The following ZNF142 variants were observed in gnomAD, a reference collection of about 807,000 sequenced individuals.
ZNF142 encodes zinc finger protein 142.
A neutral mutation model predicts 132.1 loss-of-function variants in ZNF142; 96 were observed. The ratio of observed to expected loss-of-function variants is 0.73; its 90% CI spans 0.62 to 0.86. The LOEUF (loss-of-function observed/expected upper bound fraction) is 0.86. Ranked by LOEUF, ZNF142 falls within the 40% of genes least tolerant of loss-of-function variation. The probability of loss-of-function intolerance (pLI) is 0.00; values close to 1 mark genes in which losing one functional copy is unlikely to be tolerated. For synonymous variants in ZNF142, 842 were observed against 890.1 expected (o/e 0.95, Z 0.96); for missense variants, 2,163 against 2,336.2 (o/e 0.93, Z 1.53).
Position 218,633,440 on chromosome 2 carries a change from G to T in ZNF142, c.*4899C>A. The stretch of plus-strand genomic sequence containing the variant: ...TATCTGTTGTCAGATTGTGGCCCAG[G>T]CTCCTATTTCCAAGCCTGAGTCCCT... On this transcript the variant is annotated 3_prime_UTR_variant, in exon 11 of 11. Coordinates refer to ENST00000411696, the MANE Select transcript of ZNF142 (RefSeq NM_001379659.1). 1.2e-6 allele frequency: 1 copy of T among 809,888 alleles called. No homozygotes were observed. Among genetic ancestry groups the T allele is most frequent in the Non-Finnish European group, 2.1e-6 (1 of 479,832 alleles). The allele number at this position is 809,888 out of a possible 1,614,324, so 50.2% of individuals were successfully genotyped here. A position where few individuals can be genotyped will look rare whatever the true frequency, so the allele number is the denominator to read the frequency against.
In ZNF142 at chr2:218,651,784, C is replaced by CG; in HGVS notation, c.796dup (p.Arg266ProfsTer54). 7.8e-7 allele frequency: 1 copy of CG among 1,289,876 alleles called. No homozygotes were observed. The highest frequency in any genetic ancestry group is 1.0e-6 in the Non-Finnish European group (1 of 988,892). 79.9% of individuals were successfully genotyped at this position (1,289,876 alleles called of 1,614,324 possible). ...AGCACCATGGCTCCGCTGATGCTGC[C>CG]GGAAGAGTTTGACGTTGGAGCCTAT... On this transcript the variant is annotated frameshift_variant, in exon 5 of 11. Transcript: ENST00000411696. LOFTEE classifies it high-confidence loss of function.
Position 218,636,340 on chromosome 2 carries a change from C to G in ZNF142, c.*1999G>C. The G allele has an allele frequency of 6.2e-7, 1 of 1,613,930 alleles. No homozygotes were observed. The highest frequency in any genetic ancestry group is 8.5e-7 in the Non-Finnish European group (1 of 1,179,894). ...TGGTAATGGATTATGACTGGAAATC[C>G]CGAAATGACTTTATTGGTCAGTACA... On this transcript the variant is annotated 3_prime_UTR_variant, in exon 11 of 11. Coordinates refer to ENST00000411696, the MANE Select transcript of ZNF142 (RefSeq NM_001379659.1).
intron 10 of ZNF142, among the ~76,000 whole-genome samples, chr2:218,640,061 CAAAAAAAA>C (rs35136548): frequency 5.6e-4 from 25 of 44,334 alleles, no homozygotes; most frequent in African/African-American, 2.2e-3. Context: ...GACTCTGTCT[CAAAAAAAA>C]AAAAAAAAAA....
rs528727966 is a variant in ZNF142 at position 218,651,248 on chromosome 2, T to C, written c.880+453A>G. Among the ~76,000 whole-genome samples, 4 of 152,318 alleles carry C rather than the reference T, an allele frequency of 2.6e-5. No homozygotes were observed. The East Asian group carries it at 7.7e-4, about 29-fold the overall frequency. ...CCATCCACCTTGGCCTCTCAAATTG[T>C]TGGGATCACAGGCATGTGCCACAGT... On this transcript the variant is annotated intron_variant, in intron 5 of 10. Coordinates refer to ENST00000411696, the MANE Select transcript of ZNF142 (RefSeq NM_001379659.1).
Position 218,633,536 on chromosome 2 carries a change from A to C in ZNF142, c.*4803T>G. 72 of 1,501,096 alleles carry C rather than the reference A, an allele frequency of 4.8e-5. No individual in the cohort carries two copies. Among genetic ancestry groups the C allele is most frequent in the Non-Finnish European group, 6.2e-5 (67 of 1,078,138 alleles). 93.0% of individuals were successfully genotyped at this position (1,501,096 alleles called of 1,614,324 possible). A position where few individuals can be genotyped will look rare whatever the true frequency, so the allele number is the denominator to read the frequency against. On this transcript the variant is annotated 3_prime_UTR_variant, in exon 11 of 11. Transcript: ENST00000411696. ...GGCAGTGGGCAGAGGTTTAGGTTGG[A>C]TGGCCATTATCTTCTTCTCTCTCAG...
At chr2:218,654,300 C>T (rs1342555379) in intron 4 of ZNF142, among the ~76,000 whole-genome samples, 2 of 151,822 alleles carry the variant, frequency 1.3e-5, no homozygotes, top group African/African-American at 4.8e-5. Context: ...TAAGCTGTAA[C>T]ATAGTGTTTC....
Position 218,642,174 on chromosome 2 carries a change from C to A in ZNF142, c.4942G>T (p.Gly1648Cys). ...VLDHHVKGHGGTRLYKCTDCA... is the reference protein window; with the variant it reads ...VLDHHVKGHGCTRLYKCTDCA... ...TCGGTGCACTTGTAGAGACGAGTGC[C>A]CCCATGCCCTTTCACATGGTGATCT... The change falls in exon 9 of 11, where the codon GGC becomes TGC. Residue 1648 changes from glycine (G) to cysteine (C), a missense_variant. Gly to Cys is a radical substitution (Grantham distance 159, BLOSUM62 -3). Coordinates refer to ENST00000411696, the MANE Select transcript of ZNF142 (RefSeq NM_001379659.1). The surrounding 1 kb of genome is among the most constrained non-coding windows in gnomAD (Gnocchi z 4.6). The A allele has an allele frequency of 7.4e-6, 12 of 1,614,172 alleles. No homozygotes were observed. The highest frequency in any genetic ancestry group is 1.0e-5 in the Non-Finnish European group (12 of 1,180,042).
At position 218,634,627 on chromosome 2, in the gene ZNF142, C is replaced by T; in HGVS notation, c.*3712G>A. 6.2e-7 allele frequency: 1 copy of T among 1,612,580 alleles called. No individual in the cohort carries two copies. The highest frequency in any genetic ancestry group is 8.5e-7 in the Non-Finnish European group (1 of 1,179,448). On this transcript the variant is annotated 3_prime_UTR_variant, in exon 11 of 11. Transcript: ENST00000411696. The surrounding 1 kb of genome is among the most constrained non-coding windows in gnomAD (Gnocchi z 4.0). ...CTTTCAAAGCCCAGACTCTCTTAAT[C>T]CAGGTACAGTGGAAATAAACTGTTG...
At position 218,633,997 on chromosome 2, in the gene ZNF142, C is replaced by T. The variant is rs1696551311; in HGVS notation, c.*4342G>A. 2 of 1,444,468 alleles carry T rather than the reference C, an allele frequency of 1.4e-6. No homozygotes were observed. The highest frequency in any genetic ancestry group is 1.9e-6 in the Non-Finnish European group (2 of 1,067,978). The allele number at this position is 1,444,468 out of a possible 1,614,324, so 89.5% of individuals were successfully genotyped here. On this transcript the variant is annotated 3_prime_UTR_variant, in exon 11 of 11. Transcript: ENST00000411696. ...AGAGGCACAGTGAAACTTTCTGGAG[C>T]CAGCTTCAGATGCTGGAGAGAAGGG...
rs1297010801 is a variant in ZNF142, at chr2:218,644,350, C to G, written c.2766G>C (p.Glu922Asp). The G allele has an allele frequency of 6.2e-7, 1 of 1,614,016 alleles. No individual in the cohort carries two copies. The highest frequency in any genetic ancestry group is 2.2e-5 in the East Asian group (1 of 44,886). The change falls in exon 9 of 11, where the codon GAG becomes GAC. Residue 922 changes from glutamate to aspartate, a missense_variant. Around this residue, in one of 7 missense-constraint regions of ZNF142, gnomAD observed 749 missense variants for 830.3 expected, o/e 0.90. Transcript: ENST00000411696. The surrounding 1 kb of genome is among the most constrained non-coding windows in gnomAD (Gnocchi z 4.6). ...LEEVTETAPMEFRPLGLEGPD... is the reference protein window; with the variant it reads ...LEEVTETAPMDFRPLGLEGPD... ...GCCCTTCCAGTCCCAGGGGCCTGAA[C>G]TCCATAGGGGCTGTTTCAGTGACCT...
chr2:218,657,383 A>G (rs761115152), intron 3 of ZNF142, among the ~76,000 whole-genome samples: 1 of 152,124 alleles, frequency 6.6e-6, no homozygotes, highest in African/African-American at 2.4e-5. Flanking sequence ...TAACCAATTA[A>G]CTATCCTTGA....
Position 218,648,664 on chromosome 2 carries a change from A to C in ZNF142, c.1844T>G (p.Val615Gly). Reference sequence around the variant, plus strand: ...ATGTAGAAGCATGTGTCGGATGAGCACCCTCTTGTGGGCAGTGGCAAAGTT... The same window carrying C: ...ATGTAGAAGCATGTGTCGGATGAGCCCCCTCTTGTGGGCAGTGGCAAAGTT... ...ECNFATAHKR[V>G]LIRHMLLHTG... is the part of the protein sequence containing the mutation. The change falls in exon 7 of 11, where the codon GTG (valine) becomes GGG (glycine). Residue 615 changes from valine to glycine, a missense_variant. This residue lies in a region of ZNF142 where 749 missense variants were observed against 830.3 expected (regional missense o/e 0.90). Transcript: ENST00000411696. The C allele has an allele frequency of 6.2e-7, 1 of 1,614,010 alleles. No individual in the cohort carries two copies. Among genetic ancestry groups the C allele is most frequent in the Non-Finnish European group, 8.5e-7 (1 of 1,179,868 alleles).
chr2:218,650,915 T>C (rs572947462), intron 5 of ZNF142, among the ~76,000 whole-genome samples: 2 of 152,314 alleles, frequency 1.3e-5, no homozygotes, highest in African/African-American at 4.8e-5. Flanking sequence ...TCATGCTTTT[T>C]TGGGACCAAG....
At chr2:218,653,002 CA>C (rs1320808268) in intron 4 of ZNF142, among the ~76,000 whole-genome samples, 1 of 151,938 alleles carries the variant, frequency 6.6e-6, no homozygotes, top group Non-Finnish European at 1.5e-5. Flanking sequence ...ATTTCAGGGC[CA>C]GGTGCAGTGG....
Position 218,656,330 on chromosome 2 carries a change from G to A in ZNF142, c.100C>T (p.Arg34Cys), listed in dbSNP as rs752363510. 11 of 1,597,102 alleles carry A rather than the reference G, an allele frequency of 6.9e-6. No individual in the cohort carries two copies. The highest frequency in any genetic ancestry group is 2.3e-5 in the South Asian group (2 of 88,102). The change falls in exon 4 of 11, where the codon CGT becomes TGT. Residue 34 changes from arginine (R) to cysteine (C), a missense_variant. Arg to Cys is a radical substitution (Grantham distance 180). Transcript: ENST00000411696. ...CTCTGGACAGGCCCCAGGATTCCAC[G>A]GTTAGAGAGAGGCGGGGGGATCAGC... is the stretch of plus-strand genomic sequence containing the variant. ...LLLIPPPLSN[R>C]GILGPVQSPC...
At chr2:218,641,590 G>C (rs1697200955) in intron 9 of ZNF142, among the ~76,000 whole-genome samples, 1 of 150,574 alleles carries the variant, frequency 6.6e-6, no homozygotes, top group Non-Finnish European at 1.5e-5. Flanking sequence ...CTCAGGCTGG[G>C]GTGCAGTGGC....
intron 7 of ZNF142, among the ~76,000 whole-genome samples, chr2:218,646,705 C>G (rs1025910087): frequency 1.3e-5 from 2 of 152,204 alleles, no homozygotes; most frequent in African/African-American, 4.8e-5. Flanking sequence ...GTGCCTTAGC[C>G]TCTCGAGTAG....
In ZNF142 at chr2:218,657,583, CA is replaced by C. The variant is rs1938628853; in HGVS notation, c.-35+1117del. Reference sequence around the variant, plus strand: ...AGCTGGGATTACAGGCATGTACCACCACGCCTGGCTACTATTTTGTATTTTT... The same window carrying C: ...AGCTGGGATTACAGGCATGTACCACCCGCCTGGCTACTATTTTGTATTTTT... On this transcript the variant is annotated intron_variant, in intron 3 of 10. Transcript: ENST00000411696. Among the ~76,000 whole-genome samples, 8 of 152,258 alleles carry C rather than the reference CA, an allele frequency of 5.3e-5. No individual in the cohort carries two copies. In the South Asian group the frequency reaches 1.7e-3, roughly 32 times the overall value.
rs375303982 is a variant in ZNF142 at position 218,646,204 on chromosome 2, C to T, written c.2018G>A (p.Arg673His). 1.5e-5 allele frequency: 24 copies of T among 1,613,972 alleles called. No individual in the cohort carries two copies. Among genetic ancestry groups the T allele is most frequent in the East Asian group, 6.7e-5 (3 of 44,902 alleles). ...GYVTKWKHYLRVHMRKHAGDL... is the reference protein window; with the variant it reads ...GYVTKWKHYLHVHMRKHAGDL... ...CCCTGCATGTTTTCGCATGTGCACA[C>T]GGAGGTAGTGCTTCCACTTGGTGAC... The change falls in exon 8 of 11, where the codon CGT becomes CAT. Residue 673 changes from arginine (R) to histidine (H), a missense_variant. Physicochemically the swap from Arg to His is conservative, Grantham distance 29. Coordinates refer to ENST00000411696, the MANE Select transcript of ZNF142 (RefSeq NM_001379659.1).
Sources: allele counts gnomAD v4.1 joint callset (sites outside exome capture counted in the v4.1 genomes callset), GRCh38; gene constraint gnomAD v4.1.1; regional missense constraint gnomAD v4.1.1; non-coding constraint Gnocchi (gnomAD v3.1); transcripts MANE v1.5; gene names NCBI Gene and HGNC (gene_info 2026-07-23, HGNC 2026-07-21).